MSH3: variants seen among roughly 807,000 people sequenced by gnomAD.
The protein encoded by MSH3 is DNA mismatch repair protein Msh3.
MSH3 carries 106 observed loss-of-function variants against 123.3 expected under a neutral mutation model. That is an observed-to-expected ratio of 0.86 (90% CI 0.73 to 1.01). MSH3 has a LOEUF of 1.01. MSH3 is among the 50% of genes least tolerant of loss of function. The pLI is 0.00. For missense variants in MSH3, 1,459 were observed against 1,347.6 expected, an observed-to-expected ratio of 1.08 and a Z score of -1.29; for synonymous variants, 515 against 481.4, an observed-to-expected ratio of 1.07 and a Z score of -0.91.
At chr5:80,871,445 A>C (rs1198571596) in intron 22 of MSH3, among the ~76,000 whole-genome samples, 4 of 152,316 alleles carry the variant, frequency 2.6e-5, no homozygotes, top group Admixed American at 2.6e-4. Context: ...GAGACCCTCT[A>C]GTTCGGTTCC....
intron 23 of MSH3, among the ~76,000 whole-genome samples, chr5:80,875,065 G>A (rs1746281637): frequency 6.6e-6 from 1 of 152,196 alleles, no homozygotes; most frequent in African/African-American, 2.4e-5. Flanking sequence ...ACTGTGTGTA[G>A]AAACCATTCT....
intron 19 of MSH3, among the ~76,000 whole-genome samples, chr5:80,806,754 A>G (rs555679553): frequency 3.0e-4 from 46 of 152,226 alleles, no homozygotes; most frequent in Admixed American, 2.2e-3. Context: ...TAATTGGGGG[A>G]AAAAAATTGA....
Position 80,726,823 on chromosome 5 carries a change from T to C in MSH3, c.1453+1258T>C, listed in dbSNP as rs183561711. On this transcript the variant is annotated intron_variant, in intron 9 of 23. Coordinates refer to ENST00000265081, the MANE Select transcript of MSH3 (RefSeq NM_002439.5). Reference sequence around the variant, plus strand: ...TCAGTATTACCGAGAGGTCATCTTATGTTCAACTAAAGACCTGATAAATCT... The same window carrying C: ...TCAGTATTACCGAGAGGTCATCTTACGTTCAACTAAAGACCTGATAAATCT... 9.8e-5 allele frequency among the ~76,000 whole-genome samples: 15 copies of C among 152,328 alleles called. No individual in the cohort carries two copies. The East Asian group carries it at 2.9e-3, about 29-fold the overall frequency.
chr5:80,747,300 G>A (rs988349875), intron 12 of MSH3, among the ~76,000 whole-genome samples: 21 of 151,874 alleles, frequency 1.4e-4, no homozygotes, highest in African/African-American at 5.1e-4. Context: ...GTGTACCCAG[G>A]ATTAATTTGA....
At chr5:80,795,034 A>G (rs544812661) in intron 19 of MSH3, among the ~76,000 whole-genome samples, 13 of 152,102 alleles carry the variant, frequency 8.5e-5, no homozygotes, top group African/African-American at 3.1e-4. Context: ...AGTACTAAGG[A>G]ACTCTTCTGA....
At chr5:80,746,728 C>A in intron 12 of MSH3, 1 of 392,264 alleles carries the variant, frequency 2.5e-6, no homozygotes, top group Non-Finnish European at 5.1e-6. Flanking sequence ...ATTCTCATAT[C>A]TTCCAACATG....
At chr5:80,728,362 A>AT (rs1481467025) in intron 9 of MSH3, among the ~76,000 whole-genome samples, 1 of 152,226 alleles carries the variant, frequency 6.6e-6, no homozygotes, top group African/African-American at 2.4e-5. Flanking sequence ...ATGGCCTTCC[A>AT]TATCAGTGCA....
intron 13 of MSH3, among the ~76,000 whole-genome samples, chr5:80,762,789 T>TG (rs1198793582): frequency 1.1e-3 from 155 of 140,584 alleles, no homozygotes; most frequent in Middle Eastern, 0.01. Flanking sequence ...TTTTATTTTA[T>TG]TTTATGTTAT....
intron 20 of MSH3, among the ~76,000 whole-genome samples, chr5:80,830,792 G>T (rs1399262451): frequency 6.6e-6 from 1 of 152,190 alleles, no homozygotes; most frequent in Non-Finnish European, 1.5e-5. Context: ...ACTGTCATGT[G>T]AGCCTGTAGA....
chr5:80,688,854 T>C (rs1299488070), intron 8 of MSH3, among the ~76,000 whole-genome samples: 4 of 152,174 alleles, frequency 2.6e-5, no homozygotes, highest in African/African-American at 9.6e-5. Flanking sequence ...GGTCGGTACT[T>C]GATGGTACCA....
At chr5:80,715,422 T>A (rs750093826) in intron 8 of MSH3, 2 of 152,142 alleles carry the variant, frequency 1.3e-5, no homozygotes, top group Non-Finnish European at 2.9e-5. Context: ...CATAAAAAAT[T>A]ACTTTTTAAC....
At chr5:80,840,446 C>G (rs1745600478) in intron 20 of MSH3, among the ~76,000 whole-genome samples, 1 of 150,702 alleles carries the variant, frequency 6.6e-6, no homozygotes, top group Non-Finnish European at 1.5e-5. Context: ...TTTTTCTTTG[C>G]TCTGTTGCCC....
intron 21 of MSH3, among the ~76,000 whole-genome samples, chr5:80,862,629 G>A (rs930123133): frequency 6.6e-6 from 1 of 151,964 alleles, no homozygotes. Context: ...GCATAGTGGT[G>A]CACACCTGTA....
intron 21 of MSH3, among the ~76,000 whole-genome samples, chr5:80,860,163 T>G (rs1438393516): frequency 6.6e-6 from 1 of 152,170 alleles, no homozygotes; most frequent in African/African-American, 2.4e-5. Flanking sequence ...CTATTATTAT[T>G]GTGAACAAAA....
intron 20 of MSH3, among the ~76,000 whole-genome samples, chr5:80,845,305 C>T (rs1219018306): frequency 6.6e-6 from 1 of 152,120 alleles, no homozygotes; most frequent in Non-Finnish European, 1.5e-5. Context: ...TGTGGGTAAC[C>T]GGACCTTTCT....
At chr5:80,661,458 G>A (rs542704500) in intron 2 of MSH3, among the ~76,000 whole-genome samples, 120 of 151,770 alleles carry the variant, frequency 7.9e-4, no homozygotes, top group Non-Finnish European at 1.3e-3. Context: ...TAAAATGTTC[G>A]TTTTCCATAT....
intron 8 of MSH3, among the ~76,000 whole-genome samples, chr5:80,696,984 ATATTT>A (rs1750497129): frequency 1.3e-5 from 2 of 152,214 alleles, no homozygotes; most frequent in African/African-American, 4.8e-5. Context: ...GAATGTTAGT[ATATTT>A]TTAAAAGCAC....
At chr5:80,809,659 C>G (rs984764255) in intron 19 of MSH3, among the ~76,000 whole-genome samples, 1 of 152,180 alleles carries the variant, frequency 6.6e-6, no homozygotes, top group Non-Finnish European at 1.5e-5. Context: ...ACACACGTAA[C>G]CCTTCTGTGC....
In MSH3 at chr5:80,693,624, T is replaced by C. The variant is rs200023083; in HGVS notation, c.1340+14531T>C. ...ACATACATATATACACACACACATA[T>C]ACACACACACACACACACACACACA... On this transcript the variant is annotated intron_variant, in intron 8 of 23. Coordinates refer to ENST00000265081, the MANE Select transcript of MSH3 (RefSeq NM_002439.5). Among the ~76,000 whole-genome samples the C allele has an allele frequency of 1.0e-3, 153 of 146,044 alleles. 1 individual carries two copies. Among genetic ancestry groups the C allele is most frequent in the South Asian group, 5.0e-3 (23 of 4,578 alleles).
Sources: gnomAD v4.1 joint callset for allele counts (sites outside exome capture counted in the v4.1 genomes callset) on GRCh38, gnomAD v4.1.1 for gene constraint, MANE v1.5 for transcripts, NCBI Gene and HGNC (gene_info 2026-07-23, HGNC 2026-07-21) for gene names.